Variants in KHDRBS2 observed in about 807,000 individuals in gnomAD.
KHDRBS2 encodes KH domain-containing, RNA-binding, signal transduction-associated protein 2.
Under a neutral mutation model 44.3 loss-of-function variants are expected in KHDRBS2, and 26 were observed. The observed-to-expected ratio is 0.59, with a 90% CI of 0.43 to 0.81. The LOEUF (loss-of-function observed/expected upper bound fraction) is 0.81, where lower values mean the gene tolerates loss of function less well. Among genes scored for constraint, KHDRBS2 ranks in the 40% least tolerant of loss-of-function variants. The pLI is 0.00. For synonymous variants in KHDRBS2, 194 were observed against 151.1 expected (o/e 1.28, Z -2.08); for missense variants, 476 against 433.1 (o/e 1.10, Z -0.88).
chr6:62,143,972 G>GA (rs751877087), intron 2 of KHDRBS2, among the ~76,000 whole-genome samples: 7 of 151,720 alleles, frequency 4.6e-5, no homozygotes, highest in Non-Finnish European at 8.9e-5. Flanking sequence ...TTTGCCAGTT[G>GA]AAAAAACAAA....
At chr6:62,036,950 AAC>A in intron 3 of KHDRBS2, among the ~76,000 whole-genome samples, 1 of 152,160 alleles carries the variant, frequency 6.6e-6, no homozygotes, top group South Asian at 2.1e-4. Flanking sequence ...GAAGGAAACT[AAC>A]ACAACCCCAC....
At chr6:61,980,453 T>C (rs1218247843) in intron 3 of KHDRBS2, among the ~76,000 whole-genome samples, 1 of 152,198 alleles carries the variant, frequency 6.6e-6, no homozygotes, top group Non-Finnish European at 1.5e-5. Context: ...ATAACTCTTA[T>C]ATTGCATTGA....
chr6:61,588,822 G>C, the KHDRBS2 span, among the ~76,000 whole-genome samples: 1 of 151,894 alleles, frequency 6.6e-6, no homozygotes, highest in Admixed American at 6.6e-5. Flanking sequence ...AACCCAAATG[G>C]CCATCAATAA....
At chr6:62,252,715 C>G (rs1836751864) in intron 1 of KHDRBS2, among the ~76,000 whole-genome samples, 1 of 151,944 alleles carries the variant, frequency 6.6e-6, no homozygotes, top group African/African-American at 2.4e-5. Flanking sequence ...GAATAGAAAA[C>G]AAATGGCACA....
intron 6 of KHDRBS2, among the ~76,000 whole-genome samples, chr6:61,756,590 C>T (rs1778521948): frequency 6.6e-6 from 1 of 152,154 alleles, no homozygotes; most frequent in Non-Finnish European, 1.5e-5. Flanking sequence ...TCAGAGTTTA[C>T]ATATGAGTAA....
chr6:61,947,582 G>A lies in KHDRBS2; in HGVS notation c.483+30484C>T, dbSNP rs1813624740. On this transcript the variant is annotated intron_variant, in intron 4 of 8. Transcript: ENST00000281156. ...TTGCAGCCAAGAATCCTTGACAGAGGAATTGAAAATTTTATTCTAGGACAG... is the reference window on the plus strand; with the variant it reads ...TTGCAGCCAAGAATCCTTGACAGAGAAATTGAAAATTTTATTCTAGGACAG... 2.0e-5 allele frequency among the ~76,000 whole-genome samples: 3 copies of A among 151,986 alleles called. No individual in the cohort carries two copies. In the South Asian group the frequency reaches 6.2e-4, roughly 31 times the overall value.
chr6:62,016,612 G>T lies in KHDRBS2; in HGVS notation c.336+31266C>A, dbSNP rs541984035. Among the ~76,000 whole-genome samples, 246 of 148,500 alleles carry T rather than the reference G, an allele frequency of 1.7e-3. 2 individuals carry two copies. The highest frequency in any genetic ancestry group is 3.2e-3 in the Non-Finnish European group (217 of 67,244). ...TTTATATAATATGTAGTACACATAGGTATAATATATATACTTGGATATTAA... is the reference window on the plus strand; with the variant it reads ...TTTATATAATATGTAGTACACATAGTTATAATATATATACTTGGATATTAA... On this transcript the variant is annotated intron_variant, in intron 3 of 8. Transcript: ENST00000281156.
At chr6:61,664,473 C>A in the KHDRBS2 span, among the ~76,000 whole-genome samples, 1 of 151,704 alleles carries the variant, frequency 6.6e-6, no homozygotes, top group Non-Finnish European at 1.5e-5. Flanking sequence ...AGACAGTGCC[C>A]ATTTCCTTTT....
chr6:62,103,307 G>A (rs1354414543), intron 2 of KHDRBS2, among the ~76,000 whole-genome samples: 1 of 152,086 alleles, frequency 6.6e-6, no homozygotes, highest in Non-Finnish European at 1.5e-5. Context: ...GGTTGTCCAC[G>A]TGAAGGGGAA....
At chr6:61,852,217 G>C (rs142610711) in intron 6 of KHDRBS2, among the ~76,000 whole-genome samples, 6 of 151,120 alleles carry the variant, frequency 4.0e-5, no homozygotes, top group Non-Finnish European at 8.8e-5. Context: ...ACAAAACTCC[G>C]TCCAAAAATA....
intron 1 of KHDRBS2, among the ~76,000 whole-genome samples, chr6:62,214,715 G>C (rs1206533109): frequency 1.3e-5 from 2 of 151,920 alleles, no homozygotes; most frequent in Non-Finnish European, 1.5e-5. Flanking sequence ...GAGGAAACTG[G>C]ATGAGCATCA....
chr6:62,133,506 T>C (rs981040042), intron 2 of KHDRBS2, among the ~76,000 whole-genome samples: 2 of 152,182 alleles, frequency 1.3e-5, no homozygotes, highest in African/African-American at 2.4e-5. Context: ...GTCTCAGGTA[T>C]GTATTTATCA....
chr6:61,984,557 A>G (rs999731571), intron 3 of KHDRBS2, among the ~76,000 whole-genome samples: 9 of 152,072 alleles, frequency 5.9e-5, no homozygotes, highest in Non-Finnish European at 1.3e-4. Flanking sequence ...GTGGTCTCCA[A>G]TCAGGGAGGC....
At chr6:61,591,940 G>A in the KHDRBS2 span, among the ~76,000 whole-genome samples, 1 of 152,106 alleles carries the variant, frequency 6.6e-6, no homozygotes, top group African/African-American at 2.4e-5. Flanking sequence ...TAACCCCAGT[G>A]CTTTGGGAAG....
chr6:62,262,017 GATA>G (rs1362410910), intron 1 of KHDRBS2, among the ~76,000 whole-genome samples: 3 of 151,684 alleles, frequency 2.0e-5, no homozygotes, highest in East Asian at 1.9e-4. Flanking sequence ...AAAAGTGTAA[GATA>G]ATAATTTCCA....
At chr6:62,050,714 A>G (rs1378938306) in intron 2 of KHDRBS2, among the ~76,000 whole-genome samples, 1 of 152,046 alleles carries the variant, frequency 6.6e-6, no homozygotes, top group Non-Finnish European at 1.5e-5. Context: ...ATGATACAGT[A>G]GTATCATTTT....
intron 4 of KHDRBS2, among the ~76,000 whole-genome samples, chr6:61,975,653 GCACACACACACACA>G (rs567222441): frequency 1.1e-5 from 1 of 88,322 alleles, no homozygotes; most frequent in African/African-American, 3.2e-5. Flanking sequence ...TAAGCAAGAT[GCACACACACACACA>G]CACACACACA....
At chr6:61,853,015 A>G (rs538720679) in intron 6 of KHDRBS2, among the ~76,000 whole-genome samples, 1 of 152,314 alleles carries the variant, frequency 6.6e-6, no homozygotes, top group Admixed American at 6.5e-5. Flanking sequence ...AACCACACAC[A>G]TATTTTTGGG....
chr6:62,116,008 A>T (rs1335693848), intron 2 of KHDRBS2, among the ~76,000 whole-genome samples: 1 of 152,116 alleles, frequency 6.6e-6, no homozygotes, highest in Non-Finnish European at 1.5e-5. Context: ...GCTACTGTTA[A>T]ATCAGAAATT....
Sources: gnomAD v4.1 joint callset for allele counts (sites outside exome capture counted in the v4.1 genomes callset) on GRCh38, gnomAD v4.1.1 for gene constraint, MANE v1.5 for transcripts, NCBI Gene and HGNC (gene_info 2026-07-23, HGNC 2026-07-21) for gene names.